The following LRRC37A2 variants were observed in gnomAD, a reference collection of about 807,000 sequenced individuals.
LRRC37A2 encodes leucine rich repeat containing 37 member A2, also known as leucine-rich repeat-containing protein 37A2.
Under a neutral mutation model 68.8 loss-of-function variants are expected in LRRC37A2, and 9 were observed. That is an observed-to-expected ratio of 0.13 (90% CI 0.08 to 0.23). The LOEUF (loss-of-function observed/expected upper bound fraction) is 0.23. Among genes scored for constraint, LRRC37A2 ranks in the 10% least tolerant of loss-of-function variants. The probability of loss-of-function intolerance (pLI) is 1.00; values close to 1 mark genes in which losing one functional copy is unlikely to be tolerated. For missense variants in LRRC37A2, 168 were observed against 950.4 expected (o/e 0.18, Z 10.82); for synonymous variants, 63 against 367.6 (o/e 0.17, Z 9.48).
At chr17:46,517,458 A>G in intron 3 of LRRC37A2, 25 bp downstream of exon 2, 1 of 479,002 alleles carries the variant, frequency 2.1e-6, no homozygotes. Context: ...TCCAAATATG[A>G]CAAAAAGCTA....
the LRRC37A2 span, among the ~76,000 whole-genome samples, chr17:46,977,905 A>C: frequency 5.4e-4 from 83 of 152,350 alleles, no homozygotes; most frequent in East Asian, 5.8e-4. Context: ...CCAGTGATTT[A>C]ATTAATCTCA....
At chr17:46,726,069 A>G in the LRRC37A2 span, among the ~76,000 whole-genome samples, 1 of 152,108 alleles carries the variant, frequency 6.6e-6, no homozygotes. Flanking sequence ...TCAACCTTTA[A>G]TTCTTTTGTA....
At chr17:46,940,509 A>G in the LRRC37A2 span, 2 of 1,613,000 alleles carry the variant, frequency 1.2e-6, no homozygotes, top group Admixed American at 1.7e-5. Flanking sequence ...GGTAATCCAT[A>G]AAATGGATTC....
the LRRC37A2 span, among the ~76,000 whole-genome samples, chr17:46,784,710 C>T: frequency 6.6e-6 from 1 of 152,050 alleles, no homozygotes; most frequent in African/African-American, 2.4e-5. Context: ...AGATGCACAG[C>T]CAACATACCT....
the LRRC37A2 span, chr17:47,018,670 C>A: frequency 9.9e-6 from 15 of 1,520,262 alleles, no homozygotes; most frequent in Non-Finnish European, 1.4e-5. Context: ...AACCCCTCTC[C>A]AACCCAGCAG....
At chr17:46,722,523 G>A in the LRRC37A2 span, among the ~76,000 whole-genome samples, 43 of 152,240 alleles carry the variant, frequency 2.8e-4, no homozygotes, top group Admixed American at 2.4e-3. Context: ...GCAGCTTCCC[G>A]GCTTAGTATG....
chr17:46,869,655 A>T, the LRRC37A2 span, among the ~76,000 whole-genome samples: 1 of 152,094 alleles, frequency 6.6e-6, no homozygotes, highest in Admixed American at 6.5e-5. Flanking sequence ...ATTTAGTTAG[A>T]CAAACCAACT....
the LRRC37A2 span, among the ~76,000 whole-genome samples, chr17:46,853,062 G>A: frequency 6.6e-6 from 1 of 152,120 alleles, no homozygotes; most frequent in Admixed American, 6.6e-5. Context: ...TGATCCTTTT[G>A]CGATCCACCC....
At chr17:46,750,272 G>A in the LRRC37A2 span, among the ~76,000 whole-genome samples, 1 of 152,208 alleles carries the variant, frequency 6.6e-6, no homozygotes, top group South Asian at 2.1e-4. Context: ...AGAATCTCTT[G>A]AACCCAGGAG....
At chr17:46,965,860 G>A in the LRRC37A2 span, among the ~76,000 whole-genome samples, 5 of 151,300 alleles carry the variant, frequency 3.3e-5, no homozygotes, top group African/African-American at 1.2e-4. Flanking sequence ...TGAACTCCTG[G>A]TCTCAAGTGA....
intron 6 of LRRC37A2, among the ~76,000 whole-genome samples, chr17:46,535,004 A>T (rs1199044375): frequency 6.7e-6 from 1 of 150,064 alleles, no homozygotes; most frequent in African/African-American, 2.5e-5. Flanking sequence ...CACCTCCCAG[A>T]CAGGGTCGCG....
the LRRC37A2 span, among the ~76,000 whole-genome samples, chr17:46,815,533 T>A: frequency 6.6e-6 from 1 of 151,926 alleles, no homozygotes; most frequent in East Asian, 1.9e-4. Context: ...AGTACTGGAA[T>A]CTGACTGCCA....
At chr17:46,709,247 A>G in the LRRC37A2 span, among the ~76,000 whole-genome samples, 1 of 152,220 alleles carries the variant, frequency 6.6e-6, no homozygotes. Context: ...CATTTTCAAA[A>G]GTAACTCCAA....
the LRRC37A2 span, among the ~76,000 whole-genome samples, chr17:46,834,636 G>T: frequency 6.6e-6 from 1 of 152,150 alleles, no homozygotes; most frequent in Non-Finnish European, 1.5e-5. Context: ...CTGGGCACAG[G>T]CTTGGTCCTT....
the LRRC37A2 span, among the ~76,000 whole-genome samples, chr17:46,776,013 A>G: frequency 6.6e-6 from 1 of 152,306 alleles, no homozygotes; most frequent in South Asian, 2.1e-4. Flanking sequence ...TTTAATCCTC[A>G]AAATAGCCCC....
chr17:46,773,646 C>T, the LRRC37A2 span: 12 of 1,458,904 alleles, frequency 8.2e-6, no homozygotes, highest in East Asian at 2.7e-5. Context: ...CCCCTCCCCC[C>T]CCCTCAGCCC....
chr17:46,983,195 G>T, the LRRC37A2 span, among the ~76,000 whole-genome samples: 1 of 151,682 alleles, frequency 6.6e-6, no homozygotes, highest in South Asian at 2.1e-4. Context: ...TGCATATTTG[G>T]TCTCCCAGAA....
the LRRC37A2 span, among the ~76,000 whole-genome samples, chr17:46,847,818 G>A: frequency 1.3e-5 from 2 of 152,332 alleles, no homozygotes; most frequent in African/African-American, 2.4e-5. Flanking sequence ...AACCAAAGGC[G>A]GATGGTTCCT....
chr17:47,029,694 G>C, the LRRC37A2 span, among the ~76,000 whole-genome samples: 15 of 152,150 alleles, frequency 9.9e-5, no homozygotes, highest in Admixed American at 1.3e-4. Flanking sequence ...GTCCCTCCAC[G>C]AAGAGGTTTA....
Sources: allele counts gnomAD v4.1 joint callset (sites outside exome capture counted in the v4.1 genomes callset), GRCh38; gene constraint gnomAD v4.1.1; transcripts MANE v1.5; gene names NCBI Gene and HGNC (gene_info 2026-07-23, HGNC 2026-07-21).